The following PHF3 variants were observed in gnomAD, a reference collection of about 807,000 sequenced individuals.
The protein encoded by PHF3 is PHD finger protein 3.
PHF3 carries 41 observed loss-of-function variants against 178.4 expected under a neutral mutation model. The observed-to-expected ratio is 0.23, with a 90% CI of 0.18 to 0.30. The LOEUF (loss-of-function observed/expected upper bound fraction) is 0.30. Ranked by LOEUF, PHF3 falls within the 10% of genes least tolerant of loss-of-function variation. PHF3 has a pLI of 1.00. For missense variants in PHF3, 2,346 were observed against 2,398.1 expected, an observed-to-expected ratio of 0.98 and a Z score of 0.45; for synonymous variants, 842 against 800.5, an observed-to-expected ratio of 1.05 and a Z score of -0.88.
At position 63,725,297 on chromosome 6, in the gene PHF3, G is replaced by A. The variant is rs1420182226; in HGVS notation, c.*11589G>A. On this transcript the variant is annotated 3_prime_UTR_variant, in exon 16 of 16. Transcript: ENST00000262043. ...CTCTTGCCCTCCTATGTGTATTAGT[G>A]TGTATGAGCTTTATATTTCATATAC... Among the ~76,000 whole-genome samples, 1 of 152,026 alleles carries A rather than the reference G, an allele frequency of 6.6e-6. No individual in the cohort carries two copies. The highest frequency in any genetic ancestry group is 1.5e-5 in the Non-Finnish European group (1 of 67,958).
intron 10 of PHF3, 75 bp downstream of exon 10, chr6:63,702,714 A>G (rs1767526887): frequency 2.9e-6 from 4 of 1,401,320 alleles, no homozygotes; most frequent in African/African-American, 1.4e-5. Flanking sequence ...TAATGTTTTT[A>G]AAGTAGAGAA....
At chr6:63,670,466 C>T (rs1457583583) in intron 2 of PHF3, among the ~76,000 whole-genome samples, 1 of 151,972 alleles carries the variant, frequency 6.6e-6, no homozygotes, top group Non-Finnish European at 1.5e-5. Context: ...GATGGGGTTT[C>T]ACCACGTTAG....
intron 4 of PHF3, 177 bp downstream of exon 4, chr6:63,686,088 C>CA (rs1296795335): frequency 1.1e-5 from 6 of 567,610 alleles, no homozygotes; most frequent in Admixed American, 6.9e-5. Flanking sequence ...ACTGAATTTA[C>CA]AAATATATCA....
chr6:63,671,778 C>T (rs1647555193), intron 2 of PHF3, among the ~76,000 whole-genome samples: 1 of 152,140 alleles, frequency 6.6e-6, no homozygotes. Context: ...ACGGAGTCGT[C>T]CTCTGTCGCC....
rs749194761 is a variant in PHF3, at chr6:63,712,177, T to C, written c.4589T>C (p.Ile1530Thr). 6.2e-7 allele frequency: 1 copy of C among 1,613,160 alleles called. No homozygotes were observed. The highest frequency in any genetic ancestry group is 8.5e-7 in the Non-Finnish European group (1 of 1,179,330). The change falls in exon 16 of 16, where the codon ATT (isoleucine) becomes ACT (threonine). Residue 1530 changes from isoleucine (I) to threonine (T), a missense_variant. Ile to Thr is a moderately conservative substitution (Grantham distance 89, BLOSUM62 -1). This residue lies in a region of PHF3 where 839 missense variants were observed against 806.9 expected (regional missense o/e 1.04). Coordinates refer to ENST00000262043, the MANE Select transcript of PHF3 (RefSeq NM_001370348.2). The stretch of plus-strand genomic sequence containing the variant: ...GAGATAAAAGTTAAAGTAGATAATA[T>C]TTCAGAATCTACAGATAAGTCAGCA... ...NKEIKVKVDN[I>T]SESTDKSAEI...
chr6:63,705,786 A>G (rs1436840719), intron 11 of PHF3, among the ~76,000 whole-genome samples: 2 of 152,220 alleles, frequency 1.3e-5, no homozygotes, highest in African/African-American at 4.8e-5. Flanking sequence ...TGCATTTCAG[A>G]TAAGCTTAGG....
intron 3 of PHF3, among the ~76,000 whole-genome samples, chr6:63,681,664 G>T (rs999686407): frequency 1.3e-5 from 2 of 151,932 alleles, no homozygotes; most frequent in Admixed American, 1.3e-4. Context: ...ATCTTCTTTT[G>T]TCTTTATTAA....
intron 2 of PHF3, among the ~76,000 whole-genome samples, chr6:63,648,892 T>A (rs1025162778): frequency 6.6e-6 from 1 of 152,076 alleles, no homozygotes; most frequent in African/African-American, 2.4e-5. Flanking sequence ...CTTTTCTGTT[T>A]AGGATTGTTT....
chr6:63,721,234 ATGAT>A lies in PHF3; in HGVS notation c.*7529_*7532del, dbSNP rs1554163919. ...AAAGTACACAGGCAACTGTAAGAAA[ATGAT>A]TGGTCAGGTATACATAAAGATTGGT... On this transcript the variant is annotated 3_prime_UTR_variant, in exon 16 of 16. Transcript: ENST00000262043. The A allele has an allele frequency of 6.4e-7, 1 of 1,551,860 alleles. No homozygotes were observed. Among genetic ancestry groups the A allele is most frequent in the Non-Finnish European group, 8.7e-7 (1 of 1,146,976 alleles).
At chr6:63,708,267 T>A (rs1275448215) in intron 13 of PHF3, among the ~76,000 whole-genome samples, 1 of 152,188 alleles carries the variant, frequency 6.6e-6, no homozygotes, top group Non-Finnish European at 1.5e-5. Context: ...ATGAATTAGA[T>A]CCATGATGTT....
At chr6:63,671,657 T>C (rs1765922126) in intron 2 of PHF3, among the ~76,000 whole-genome samples, 3 of 152,332 alleles carry the variant, frequency 2.0e-5, no homozygotes, top group South Asian at 4.1e-4. Flanking sequence ...GTTAATACTT[T>C]TATCAGATTA....
chr6:63,663,269 C>T (rs1453700809), intron 2 of PHF3, among the ~76,000 whole-genome samples: 1 of 152,122 alleles, frequency 6.6e-6, no homozygotes, highest in Non-Finnish European at 1.5e-5. Context: ...ATGAGACTGG[C>T]TAATTTATAG....
At position 63,700,567 on chromosome 6, in the gene PHF3, AAC is replaced by A. The variant is rs1356159142; in HGVS notation, c.3099+105_3099+106del. ...GTAAATTCAACACAGACTGCATAATAACACAGACTTTCTGTTACATGCTTCTT... is the reference window on the plus strand; with the variant it reads ...GTAAATTCAACACAGACTGCATAATAACAGACTTTCTGTTACATGCTTCTT... On this transcript the variant is annotated intron_variant, in intron 9 of 15. Transcript: ENST00000262043. 4.8e-6 allele frequency: 3 copies of A among 621,434 alleles called. No homozygotes were observed. The African/African-American group carries it at 5.6e-5, about 12-fold the overall frequency. 38.5% of individuals were successfully genotyped at this position (621,434 alleles called of 1,614,324 possible).
chr6:63,657,497 A>G (rs1346634752), intron 2 of PHF3, among the ~76,000 whole-genome samples: 1 of 152,186 alleles, frequency 6.6e-6, no homozygotes, highest in East Asian at 1.9e-4. Context: ...TCTTACAATA[A>G]AGTACACTAG....
At position 63,721,148 on chromosome 6, in the gene PHF3, A is replaced by G; in HGVS notation, c.*7440A>G. 1 of 1,551,538 alleles carries G rather than the reference A, an allele frequency of 6.4e-7. No individual in the cohort carries two copies. The highest frequency in any genetic ancestry group is 1.2e-5 in the South Asian group (1 of 84,060). ...GATCAATGTATTTAATGTAAGAATT[A>G]CCCATAAATTTTGCAGTTGAAAATG... On this transcript the variant is annotated 3_prime_UTR_variant, in exon 16 of 16. Transcript: ENST00000262043.
At chr6:63,686,800 TA>T in intron 4 of PHF3, among the ~76,000 whole-genome samples, 1 of 152,360 alleles carries the variant, frequency 6.6e-6, no homozygotes, top group South Asian at 2.1e-4. Context: ...GAAAGTGTGC[TA>T]GAGTGATTTT....
Position 63,706,795 on chromosome 6 carries a change from A to G in PHF3, c.3630A>G (p.Lys1210=). The change falls in exon 13 of 16, where the codon AAA becomes AAG. Residue 1210 remains lysine, a synonymous_variant. Coordinates refer to ENST00000262043, the MANE Select transcript of PHF3 (RefSeq NM_001370348.2). Reference sequence around the variant, plus strand: ...TGGCTCGATTGAACTTCATCTGGAAAGGTTTTATCAACATGCCTTCTGTGG... The same window carrying G: ...TGGCTCGATTGAACTTCATCTGGAAGGGTTTTATCAACATGCCTTCTGTGG... The part of the protein sequence containing the change: ...TFLARLNFIW[K]GFINMPSVAK... The G allele has an allele frequency of 1.2e-6, 2 of 1,614,020 alleles. No individual in the cohort carries two copies. Among genetic ancestry groups the G allele is most frequent in the Non-Finnish European group, 1.7e-6 (2 of 1,179,916 alleles).
In PHF3 at chr6:63,721,577, A is replaced by G; in HGVS notation, c.*7869A>G. 1 of 1,551,704 alleles carries G rather than the reference A, an allele frequency of 6.4e-7. No homozygotes were observed. The highest frequency in any genetic ancestry group is 8.7e-7 in the Non-Finnish European group (1 of 1,146,804). ...ATACTCCTCCAATATAGAAGTCTGT[A>G]TTTGTGTCCAGAGAACTCATTTTAG... On this transcript the variant is annotated 3_prime_UTR_variant, in exon 16 of 16. Transcript: ENST00000262043.
intron 2 of PHF3, among the ~76,000 whole-genome samples, chr6:63,670,181 C>T (rs1241373816): frequency 6.6e-6 from 1 of 152,156 alleles, no homozygotes; most frequent in Non-Finnish European, 1.5e-5. Context: ...TCCTTCTCAT[C>T]TGTGCTTTCT....
Sources: gnomAD v4.1 joint callset for allele counts (sites outside exome capture counted in the v4.1 genomes callset) on GRCh38, gnomAD v4.1.1 for gene constraint, gnomAD v4.1.1 regional missense constraint, MANE v1.5 for transcripts, NCBI Gene and HGNC (gene_info 2026-07-23, HGNC 2026-07-21) for gene names.